MAOA: variants seen among roughly 807,000 people sequenced by gnomAD.
MAOA encodes the protein amine oxidase [flavin-containing] A.
A neutral mutation model predicts 42.0 loss-of-function variants in MAOA; 6 were observed. The observed-to-expected ratio is 0.14, with a 90% CI of 0.08 to 0.28. The LOEUF (loss-of-function observed/expected upper bound fraction) is 0.28. MAOA is among the 10% of genes least tolerant of loss of function. The pLI is 1.00. For missense variants in MAOA, 262 were observed against 422.3 expected (o/e 0.62, Z 3.33); for synonymous variants, 140 against 154.0 (o/e 0.91, Z 0.67).
chrX:43,684,874 CTTTT>C (rs201207592), intron 2 of MAOA, among the ~76,000 whole-genome samples: 3 of 59,636 alleles, frequency 5.0e-5, no homozygotes, highest in Non-Finnish European at 9.9e-5. Context: ...CTTTTCTTTT[CTTTT>C]TTTTTTTTTT....
intron 1 of MAOA, among the ~76,000 whole-genome samples, chrX:43,676,944 A>C (rs1412615188): frequency 1.8e-5 from 2 of 111,343 alleles, no homozygotes; most frequent in African/African-American, 6.5e-5. Context: ...TTCCAGGTTT[A>C]TTCAAGTTAG....
At chrX:43,675,854 G>T (rs1038845439) in intron 1 of MAOA, among the ~76,000 whole-genome samples, 2 of 111,949 alleles carry the variant, frequency 1.8e-5, no homozygotes, top group African/African-American at 3.3e-5. Flanking sequence ...TGCCTCTACT[G>T]GGGGGTGCCT....
At chrX:43,738,264 G>T (rs757521548) in intron 10 of MAOA, among the ~76,000 whole-genome samples, 1 of 111,878 alleles carries the variant, frequency 8.9e-6, no homozygotes, top group South Asian at 3.7e-4. Context: ...TAATCAATCA[G>T]TGCATTGTTT....
intron 10 of MAOA, 24 bp from the exon 11 acceptor site, chrX:43,740,657 T>C (rs764692233): frequency 1.7e-6 from 2 of 1,163,126 alleles, no homozygotes; most frequent in Non-Finnish European, 2.3e-6. Context: ...TTTATTTTTT[T>C]TTTTTTTTGG....
chrX:43,665,447 A>ATCCTAGTG lies in MAOA; in HGVS notation c.73+9035_73+9042dup, dbSNP rs746731568. Among the ~76,000 whole-genome samples the ATCCTAGTG allele has an allele frequency of 1.0e-3, 112 of 111,392 alleles. 1 individual carries two copies. Among genetic ancestry groups the ATCCTAGTG allele is most frequent in the Non-Finnish European group, 1.8e-3 (96 of 53,027 alleles). On this transcript the variant is annotated intron_variant, in intron 1 of 14. Transcript: ENST00000338702. ...TAAAACATTTAGGGAACTACAGCCC[A>ATCCTAGTG]TCCTAGTGTGCAGAGTCCAAGGACA...
At chrX:43,676,535 A>G (rs1294670213) in intron 1 of MAOA, among the ~76,000 whole-genome samples, 4 of 111,744 alleles carry the variant, frequency 3.6e-5, no homozygotes, top group Middle Eastern at 4.2e-3. Flanking sequence ...CGTCTTCTGC[A>G]TCGCTCATGC....
At chrX:43,691,104 C>A (rs1388763248) in intron 2 of MAOA, among the ~76,000 whole-genome samples, 1 of 111,416 alleles carries the variant, frequency 9.0e-6, no homozygotes, top group Non-Finnish European at 1.9e-5. Flanking sequence ...GAGATCAGAG[C>A]CAGATGTGGG....
rs946687121 is a variant in MAOA at position 43,746,694 on chromosome X, A to G, written c.*2181A>G. The G allele has an allele frequency of 7.1e-5, 8 of 112,257 alleles. No individual in the cohort carries two copies. Among genetic ancestry groups the G allele is most frequent in the African/African-American group, 2.6e-4 (8 of 30,835 alleles). The allele number at this position is 112,257 out of a possible 1,213,427, so 9.3% of individuals were successfully genotyped here. A position where few individuals can be genotyped will look rare whatever the true frequency, so the allele number is the denominator to read the frequency against. ...TTGTGAACTTGGTGCCTAATGTTCC[A>G]TGTCTGAAGTTTGCCCCAGTGCTAC... On this transcript the variant is annotated 3_prime_UTR_variant, in exon 15 of 15. Coordinates refer to ENST00000338702, the MANE Select transcript of MAOA (RefSeq NM_000240.4).
chrX:43,730,301 A>G (rs1195598295), intron 6 of MAOA, among the ~76,000 whole-genome samples: 2 of 109,987 alleles, frequency 1.8e-5, no homozygotes, highest in African/African-American at 6.6e-5. Context: ...TAAGCTGGAA[A>G]CATTTCCATG....
chrX:43,667,104 C>T (rs2033288191), intron 1 of MAOA, among the ~76,000 whole-genome samples: 1 of 109,665 alleles, frequency 9.1e-6, no homozygotes, highest in African/African-American at 3.3e-5. Flanking sequence ...CAAACCTGCA[C>T]ATTGTGCACA....
chrX:43,656,444 G>A (rs1165847936), intron 1 of MAOA, 30 bp downstream of exon 1: 8 of 1,171,170 alleles, frequency 6.8e-6, no homozygotes, highest in Non-Finnish European at 9.3e-6. Flanking sequence ...GTGGCCTGGG[G>A]GACCCTGGCC....
intron 10 of MAOA, 26 bp from the exon 11 acceptor site, chrX:43,740,650 ATTTTT>A: frequency 9.9e-7 from 1 of 1,005,525 alleles, no homozygotes; most frequent in Non-Finnish European, 1.3e-6. Context: ...CCCTAACTTT[ATTTTT>A]TTTTTTTTTT....
chrX:43,740,141 A>G (rs2033948654), intron 10 of MAOA, among the ~76,000 whole-genome samples: 1 of 112,181 alleles, frequency 8.9e-6, no homozygotes. Context: ...CAAGTGACAA[A>G]TTCCTAGACT....
At chrX:43,740,589 C>A in intron 10 of MAOA, 92 bp from the exon 11 acceptor site, 1 of 765,545 alleles carries the variant, frequency 1.3e-6, no homozygotes, top group Non-Finnish European at 1.8e-6. Flanking sequence ...TGGTTGATAC[C>A]AAGAGCTCTA....
At chrX:43,684,244 T>C (rs1219053844) in intron 2 of MAOA, among the ~76,000 whole-genome samples, 1 of 111,479 alleles carries the variant, frequency 9.0e-6, no homozygotes, top group Non-Finnish European at 1.9e-5. Flanking sequence ...ATACTTCGGC[T>C]TACATCACCA....
chrX:43,673,333 T>C (rs1220889902), intron 1 of MAOA, among the ~76,000 whole-genome samples: 3 of 110,985 alleles, frequency 2.7e-5, no homozygotes, highest in African/African-American at 9.8e-5. Flanking sequence ...TCTCTCTTTT[T>C]TTCTTTATTA....
At chrX:43,705,607 G>T (rs2147091354) in intron 3 of MAOA, among the ~76,000 whole-genome samples, 1 of 111,765 alleles carries the variant, frequency 8.9e-6, no homozygotes, top group African/African-American at 3.2e-5. Flanking sequence ...AGATAAATTG[G>T]TCTTCATCAA....
intron 5 of MAOA, among the ~76,000 whole-genome samples, chrX:43,716,158 G>A (rs2033742278): frequency 9.0e-6 from 1 of 111,480 alleles, no homozygotes; most frequent in African/African-American, 3.3e-5. Context: ...TCTTCAGAAT[G>A]TGTGGGGTTA....
intron 1 of MAOA, among the ~76,000 whole-genome samples, chrX:43,680,969 C>A (rs1274042149): frequency 9.0e-6 from 1 of 111,226 alleles, no homozygotes; most frequent in Non-Finnish European, 1.9e-5. Flanking sequence ...TGGATTTAAG[C>A]CATTGTAGTT....
Sources: gnomAD v4.1 joint callset for allele counts (sites outside exome capture counted in the v4.1 genomes callset) on GRCh38, gnomAD v4.1.1 for gene constraint, MANE v1.5 for transcripts, NCBI Gene and HGNC (gene_info 2026-07-23, HGNC 2026-07-21) for gene names.